NEGR1: variants seen among roughly 807,000 people sequenced by gnomAD.
The protein encoded by NEGR1 is IgLON family member 4.
Under a neutral mutation model 40.9 loss-of-function variants are expected in NEGR1, and 10 were observed. That is an observed-to-expected ratio of 0.24 (90% confidence interval 0.15 to 0.42). The LOEUF (loss-of-function observed/expected upper bound fraction) is 0.42, where lower values mean the gene tolerates loss of function less well. Ranked by LOEUF, NEGR1 falls within the 10% of genes least tolerant of loss-of-function variation. NEGR1 has a pLI of 1.00. For synonymous variants in NEGR1, 185 were observed against 166.8 expected, an observed-to-expected ratio of 1.11 and a Z score of -0.84; for missense variants, 352 against 438.9, an observed-to-expected ratio of 0.80 and a Z score of 1.77.
intron 6 of NEGR1, among the ~76,000 whole-genome samples, chr1:71,521,366 A>G (rs1647156428): frequency 2.0e-5 from 3 of 151,998 alleles, no homozygotes; most frequent in African/African-American, 7.2e-5. Context: ...CAATCCCTCC[A>G]CTATAGAGAG....
chr1:71,791,497 A>C (rs1657116933), intron 2 of NEGR1, among the ~76,000 whole-genome samples: 1 of 152,096 alleles, frequency 6.6e-6, no homozygotes. Context: ...GCTTTTTTAA[A>C]AAAATATTTA....
At chr1:72,039,867 A>G (rs1358922937) in intron 1 of NEGR1, among the ~76,000 whole-genome samples, 1 of 151,996 alleles carries the variant, frequency 6.6e-6, no homozygotes, top group Non-Finnish European at 1.5e-5. Flanking sequence ...ATAATCATTG[A>G]CCATTTTGGC....
chr1:71,980,560 G>A (rs2100337993), intron 1 of NEGR1, among the ~76,000 whole-genome samples: 1 of 152,254 alleles, frequency 6.6e-6, no homozygotes, highest in South Asian at 2.1e-4. Context: ...ATGTGGGAAA[G>A]TTGAGATATA....
chr1:71,757,064 A>C (rs1655770329), intron 3 of NEGR1, among the ~76,000 whole-genome samples: 1 of 152,138 alleles, frequency 6.6e-6, no homozygotes, highest in Admixed American at 6.5e-5. Context: ...CTAGTTTTTT[A>C]AGTCATGATC....
At chr1:72,264,000 G>A (rs1303461533) in intron 1 of NEGR1, among the ~76,000 whole-genome samples, 1 of 151,362 alleles carries the variant, frequency 6.6e-6, no homozygotes, top group Non-Finnish European at 1.5e-5. Context: ...CACAAAAGGG[G>A]AAACGGTGTT....
intron 3 of NEGR1, among the ~76,000 whole-genome samples, chr1:71,699,792 C>T (rs1343395511): frequency 6.6e-6 from 1 of 151,826 alleles, no homozygotes; most frequent in Non-Finnish European, 1.5e-5. Flanking sequence ...GTGGGAGGGA[C>T]CTAGCGGGTA....
intron 2 of NEGR1, among the ~76,000 whole-genome samples, chr1:71,862,289 A>C (rs1049909603): frequency 3.3e-5 from 5 of 152,024 alleles, no homozygotes; most frequent in African/African-American, 1.2e-4. Flanking sequence ...AGGTTTTCTG[A>C]CCCCATAGCT....
intron 1 of NEGR1, among the ~76,000 whole-genome samples, chr1:72,107,877 C>A (rs2100260692): frequency 6.6e-6 from 1 of 151,400 alleles, no homozygotes; most frequent in African/African-American, 2.4e-5. Context: ...CCACTTAAGT[C>A]TGTGCCATTC....
chr1:71,969,006 GT>G (rs980733451), intron 1 of NEGR1, among the ~76,000 whole-genome samples: 1 of 151,136 alleles, frequency 6.6e-6, no homozygotes, highest in African/African-American at 2.4e-5. Flanking sequence ...CATCTCATAT[GT>G]TTTTTTTGTT....
At position 71,570,644 on chromosome 1, in the gene NEGR1, C is replaced by CTTATTATTATTATTATTA. The variant is rs150984543; in HGVS notation, c.940+22155_940+22172dup. Among the ~76,000 whole-genome samples, 13 of 148,192 alleles carry CTTATTATTATTATTATTA rather than the reference C, an allele frequency of 8.8e-5. No homozygotes were observed. In the South Asian group the frequency reaches 1.1e-3, roughly 12 times the overall value. ...TTATAAACTTTGTTTATACTGGGTC[C>CTTATTATTATTATTATTA]TTATTATTATTATTATTATTATTAC... On this transcript the variant is annotated intron_variant, in intron 6 of 6. Transcript: ENST00000357731.
At chr1:71,879,359 G>A (rs922482786) in intron 2 of NEGR1, among the ~76,000 whole-genome samples, 5 of 152,116 alleles carry the variant, frequency 3.3e-5, no homozygotes, top group Non-Finnish European at 7.4e-5. Flanking sequence ...TTAGTGGCCT[G>A]CAGATAATTT....
At chr1:72,128,329 G>A (rs1650110078) in intron 1 of NEGR1, among the ~76,000 whole-genome samples, 3 of 152,044 alleles carry the variant, frequency 2.0e-5, no homozygotes, top group Non-Finnish European at 2.9e-5. Flanking sequence ...GAGCAGGTGT[G>A]GAACATTTGG....
chr1:72,261,633 T>A (rs1178924913), intron 1 of NEGR1, among the ~76,000 whole-genome samples: 4 of 152,014 alleles, frequency 2.6e-5, no homozygotes, highest in Non-Finnish European at 2.9e-5. Context: ...ACGCTTGGCA[T>A]AAAGCATGCA....
intron 1 of NEGR1, among the ~76,000 whole-genome samples, chr1:72,008,136 C>T (rs1159038358): frequency 6.6e-6 from 1 of 151,884 alleles, no homozygotes; most frequent in Admixed American, 6.6e-5. Flanking sequence ...TGCGGATATA[C>T]GTGTTCATTG....
At chr1:72,237,486 T>C (rs1296049983) in intron 1 of NEGR1, among the ~76,000 whole-genome samples, 1 of 151,894 alleles carries the variant, frequency 6.6e-6, no homozygotes, top group Non-Finnish European at 1.5e-5. Context: ...CCATTACTTC[T>C]CCCAAAATGC....
intron 1 of NEGR1, among the ~76,000 whole-genome samples, chr1:72,139,516 C>G (rs949024735): frequency 1.3e-5 from 2 of 151,846 alleles, no homozygotes; most frequent in African/African-American, 4.8e-5. Flanking sequence ...CAAATTTATG[C>G]CAACAAATTT....
chr1:72,201,006 A>G (rs1410552002), intron 1 of NEGR1, among the ~76,000 whole-genome samples: 1 of 151,876 alleles, frequency 6.6e-6, no homozygotes, highest in Non-Finnish European at 1.5e-5. Context: ...TACTATTATA[A>G]AATGATTTAA....
At chr1:72,080,603 T>G (rs1252062124) in intron 1 of NEGR1, among the ~76,000 whole-genome samples, 2 of 152,092 alleles carry the variant, frequency 1.3e-5, no homozygotes, top group African/African-American at 4.8e-5. Flanking sequence ...ATTATGCAAA[T>G]GCAGAAAGGA....
At chr1:72,216,400 T>C (rs12088483) in intron 1 of NEGR1, among the ~76,000 whole-genome samples, 4,119 of 121,902 alleles carry the variant, frequency 0.034, 122 homozygotes, top group African/African-American at 0.1. Flanking sequence ...TATATATATA[T>C]ACATATATAT....
Sources: allele counts gnomAD v4.1 joint callset (sites outside exome capture counted in the v4.1 genomes callset), GRCh38; gene constraint gnomAD v4.1.1; transcripts MANE v1.5; gene names NCBI Gene and HGNC (gene_info 2026-07-23, HGNC 2026-07-21).